GIPC2: variants seen among roughly 807,000 people sequenced by gnomAD.
GIPC2 encodes GIPC PDZ domain containing family member 2.
Under a neutral mutation model 30.6 loss-of-function variants are expected in GIPC2, and 30 were observed. The observed-to-expected ratio is 0.98, with a 90% confidence interval of 0.73 to 1.33. The LOEUF (loss-of-function observed/expected upper bound fraction) is 1.33, where lower values mean the gene tolerates loss of function less well. GIPC2 is among the 40% of genes most tolerant of loss of function. The pLI, the probability that GIPC2 is intolerant of heterozygous loss-of-function variation, is 0.00. For missense variants in GIPC2, 414 were observed against 390.3 expected (o/e 1.06, Z -0.51); for synonymous variants, 167 against 150.0 (o/e 1.11, Z -0.83).
chr1:78,127,583 G>A (rs1432854445), intron 5 of GIPC2, among the ~76,000 whole-genome samples: 1 of 152,132 alleles, frequency 6.6e-6, no homozygotes, highest in African/African-American at 2.4e-5. Context: ...CTCCATTTTG[G>A]TTTGGTCTGT....
chr1:78,088,655 C>T (rs1295158072), intron 2 of GIPC2, among the ~76,000 whole-genome samples: 2 of 151,986 alleles, frequency 1.3e-5, no homozygotes, highest in Non-Finnish European at 2.9e-5. Context: ...CCCTTAACCC[C>T]AACATAGTGA....
rs1461215663 is a variant in GIPC2 at position 78,060,235 on chromosome 1, C to T, written c.240+13901C>T. Among the ~76,000 whole-genome samples the T allele has an allele frequency of 3.9e-5, 6 of 151,910 alleles. No homozygotes were observed. The East Asian group carries it at 9.6e-4, about 24-fold the overall frequency. ...TCATCACTTACTGAAGCCTCAACCTCCTAGGCTCAAGTGATCCTCCCACCT... is the reference window on the plus strand; with the variant it reads ...TCATCACTTACTGAAGCCTCAACCTTCTAGGCTCAAGTGATCCTCCCACCT... On this transcript the variant is annotated intron_variant, in intron 1 of 5. Transcript: ENST00000370759.
intron 3 of GIPC2, among the ~76,000 whole-genome samples, chr1:78,108,549 C>T (rs1475536696): frequency 6.6e-6 from 1 of 152,144 alleles, no homozygotes; most frequent in Non-Finnish European, 1.5e-5. Context: ...CAGGTGGCAT[C>T]AGTATATGCC....
chr1:78,129,527 TAA>T (rs553170830), intron 5 of GIPC2, among the ~76,000 whole-genome samples: 107 of 152,256 alleles, frequency 7.0e-4, no homozygotes, highest in South Asian at 2.7e-3. Context: ...AAAAAAAGAT[TAA>T]GAGGTGTTTA....
rs554308938 is a variant in GIPC2, at chr1:78,098,221, A to G, written c.607+3089A>G. On this transcript the variant is annotated intron_variant, in intron 3 of 5. Transcript: ENST00000370759. ...ACCTTAAGGATTTTATTTTTCTGCTATGAGTTGGGTGCCACATACATAGCT... is the reference window on the plus strand; with the variant it reads ...ACCTTAAGGATTTTATTTTTCTGCTGTGAGTTGGGTGCCACATACATAGCT... Among the ~76,000 whole-genome samples the G allele has an allele frequency of 2.0e-5, 3 of 152,234 alleles. No individual in the cohort carries two copies. The South Asian group carries it at 6.2e-4, about 32-fold the overall frequency.
At chr1:78,066,607 C>T (rs1025005135) in intron 1 of GIPC2, among the ~76,000 whole-genome samples, 1 of 152,122 alleles carries the variant, frequency 6.6e-6, no homozygotes, top group African/African-American at 2.4e-5. Context: ...CAGCACTATT[C>T]ACAATAGCAA....
At chr1:78,121,512 T>G (rs970209843) in intron 4 of GIPC2, among the ~76,000 whole-genome samples, 3 of 152,062 alleles carry the variant, frequency 2.0e-5, no homozygotes, top group African/African-American at 7.2e-5. Flanking sequence ...AAGTAGACAC[T>G]TAAGGAACAC....
chr1:78,069,339 G>T (rs1300646752), intron 1 of GIPC2, among the ~76,000 whole-genome samples: 1 of 152,104 alleles, frequency 6.6e-6, no homozygotes, highest in Non-Finnish European at 1.5e-5. Context: ...GTCCTGTCAG[G>T]CCCACCCATA....
At chr1:78,055,624 G>A (rs1661275009) in intron 1 of GIPC2, among the ~76,000 whole-genome samples, 1 of 152,054 alleles carries the variant, frequency 6.6e-6, no homozygotes, top group Non-Finnish European at 1.5e-5. Flanking sequence ...ACCCCACTGT[G>A]TCTTTGTGTT....
At chr1:78,117,011 G>A (rs1662580197) in intron 3 of GIPC2, among the ~76,000 whole-genome samples, 1 of 141,612 alleles carries the variant, frequency 7.1e-6, no homozygotes, top group Non-Finnish European at 1.6e-5. Flanking sequence ...ATCCTCTCCA[G>A]CACCTGTTTC....
chr1:78,132,855 C>T (rs549818824), intron 5 of GIPC2, among the ~76,000 whole-genome samples: 3 of 152,226 alleles, frequency 2.0e-5, no homozygotes, highest in African/African-American at 7.2e-5. Context: ...TTATTTCTTC[C>T]TCAGCTAGCT....
At position 78,137,884 on chromosome 1, in the gene GIPC2, A is replaced by G. The variant is rs1366572524; in HGVS notation, c.*2141A>G. The G allele has an allele frequency of 3.9e-5, 6 of 152,180 alleles. No homozygotes were observed. The highest frequency in any genetic ancestry group is 7.2e-5 in the African/African-American group (3 of 41,438). The allele number at this position is 152,180 out of a possible 1,614,324, so 9.4% of individuals were successfully genotyped here. A position where few individuals can be genotyped will look rare whatever the true frequency, so the allele number is the denominator to read the frequency against. On this transcript the variant is annotated 3_prime_UTR_variant, in exon 6 of 6. Coordinates refer to ENST00000370759, the MANE Select transcript of GIPC2 (RefSeq NM_017655.6). ...TGTTTTTAGTGCAGTCACATAATAT[A>G]TAAGTGTGGGATACCCTTCTGCAGC... is the stretch of plus-strand genomic sequence containing the variant.
intron 1 of GIPC2, among the ~76,000 whole-genome samples, chr1:78,078,686 A>G (rs1186978667): frequency 2.0e-5 from 3 of 152,122 alleles, no homozygotes; most frequent in Non-Finnish European, 2.9e-5. Context: ...TTAGAAGTTC[A>G]GTTTGTGTGA....
chr1:78,051,180 TA>T (rs371259711), intron 1 of GIPC2, among the ~76,000 whole-genome samples: 2,689 of 151,084 alleles, frequency 0.018, 63 homozygotes, highest in South Asian at 0.11. Context: ...ATTCATTTTG[TA>T]AAATGTAAAA....
In GIPC2 at chr1:78,137,889, T is replaced by C. The variant is rs1663035317; in HGVS notation, c.*2146T>C. On this transcript the variant is annotated 3_prime_UTR_variant, in exon 6 of 6. Transcript: ENST00000370759. ...TTAGTGCAGTCACATAATATATAAG[T>C]GTGGGATACCCTTCTGCAGCTTCAG... 1 of 152,190 alleles carries C rather than the reference T, an allele frequency of 6.6e-6. No individual in the cohort carries two copies. Among genetic ancestry groups the C allele is most frequent in the African/African-American group, 2.4e-5 (1 of 41,442 alleles). 9.4% of individuals were successfully genotyped at this position (152,190 alleles called of 1,614,324 possible).
At chr1:78,118,554 A>T (rs1662615812) in intron 3 of GIPC2, among the ~76,000 whole-genome samples, 1 of 152,144 alleles carries the variant, frequency 6.6e-6, no homozygotes, top group South Asian at 2.1e-4. Flanking sequence ...GACACAACAG[A>T]AAAAACAAGC....
At chr1:78,067,923 A>T (rs911450151) in intron 1 of GIPC2, among the ~76,000 whole-genome samples, 1 of 152,194 alleles carries the variant, frequency 6.6e-6, no homozygotes, top group African/African-American at 2.4e-5. Flanking sequence ...CTCTCTGTGG[A>T]TGGTCCTTAG....
intron 1 of GIPC2, among the ~76,000 whole-genome samples, chr1:78,058,571 T>C (rs572265374): frequency 2.7e-4 from 41 of 152,294 alleles, no homozygotes; most frequent in African/African-American, 8.2e-4. Context: ...CAAGCTAGTG[T>C]GGGTTTCCTA....
intron 4 of GIPC2, among the ~76,000 whole-genome samples, chr1:78,121,899 C>T (rs1368749532): frequency 1.3e-5 from 2 of 152,106 alleles, no homozygotes; most frequent in Non-Finnish European, 2.9e-5. Context: ...CTGTGAGGAG[C>T]CAGGAGAATG....
Sources: allele counts gnomAD v4.1 joint callset (sites outside exome capture counted in the v4.1 genomes callset), GRCh38; gene constraint gnomAD v4.1.1; transcripts MANE v1.5; gene names NCBI Gene and HGNC (gene_info 2026-07-23, HGNC 2026-07-21).